The following ALK variants were observed in gnomAD, a reference collection of about 807,000 sequenced individuals.
ALK encodes the protein ALK tyrosine kinase receptor.
A neutral mutation model predicts 163.1 loss-of-function variants in ALK; 74 were observed. The ratio of observed to expected loss-of-function variants is 0.45; its 90% confidence interval spans 0.38 to 0.55. The LOEUF is 0.55. Among genes scored for constraint, ALK ranks in the 20% least tolerant of loss-of-function variants. The pLI is 0.00. For synonymous variants in ALK, 960 were observed against 843.2 expected, an observed-to-expected ratio of 1.14 and a Z score of -2.40; for missense variants, 2,063 against 2,105.3, an observed-to-expected ratio of 0.98 and a Z score of 0.39.
In ALK at chr2:29,251,229, G is replaced by A. The variant is rs772087086; in HGVS notation, c.2080C>T (p.His694Tyr). 1.9e-6 allele frequency: 3 copies of A among 1,613,880 alleles called. No individual in the cohort carries two copies. The highest frequency in any genetic ancestry group is 2.7e-5 in the African/African-American group (2 of 74,936). ...LFTTCGASGPHGPTQAQCNNA... is the reference protein window; with the variant it reads ...LFTTCGASGPYGPTQAQCNNA... ...TTGCACTGTGCCTGGGTGGGGCCAT[G>A]GGGCCCGCTGGCCCCACATGTGGTG... The change falls in exon 12 of 29, where the codon CAT (histidine) becomes TAT (tyrosine). Residue 694 changes from histidine (H) to tyrosine (Y), a missense_variant. Transcript: ENST00000389048.
intron 8 of ALK, among the ~76,000 whole-genome samples, chr2:29,312,083 G>C (rs957298281): frequency 3.3e-4 from 50 of 152,064 alleles, no homozygotes; most frequent in African/African-American, 1.2e-3. Flanking sequence ...AGTTGGGAGA[G>C]GGGTGTTGCC....
intron 1 of ALK, among the ~76,000 whole-genome samples, chr2:29,726,472 CA>C (rs976475603): frequency 1.3e-5 from 2 of 152,196 alleles, no homozygotes; most frequent in African/African-American, 4.8e-5. Context: ...AGTCCATCAA[CA>C]AAAGACCTTT....
chr2:29,573,093 T>C (rs1674425503), intron 3 of ALK, among the ~76,000 whole-genome samples: 1 of 152,194 alleles, frequency 6.6e-6, no homozygotes, highest in Non-Finnish European at 1.5e-5. Flanking sequence ...GCTTCTCTTT[T>C]CCTGATGAAC....
intron 4 of ALK, among the ~76,000 whole-genome samples, chr2:29,445,583 G>A (rs191872082): frequency 6.6e-6 from 1 of 151,990 alleles, no homozygotes; most frequent in African/African-American, 2.4e-5. Flanking sequence ...GAGGCCGAGG[G>A]GGGTGGATCA....
chr2:29,198,203 T>G (rs1669071902), intron 26 of ALK, among the ~76,000 whole-genome samples: 1 of 151,864 alleles, frequency 6.6e-6, no homozygotes, highest in African/African-American at 2.4e-5. Flanking sequence ...TCCAGCCAGC[T>G]GATTTCATAG....
intron 26 of ALK, among the ~76,000 whole-genome samples, chr2:29,204,697 C>T (rs1669269916): frequency 6.6e-6 from 1 of 152,208 alleles, no homozygotes; most frequent in South Asian, 2.1e-4. Flanking sequence ...TCAAGCATTT[C>T]TCCTGCCTCA....
At chr2:29,422,714 A>AT (rs1670045522) in intron 4 of ALK, among the ~76,000 whole-genome samples, 1 of 152,114 alleles carries the variant, frequency 6.6e-6, no homozygotes, top group Non-Finnish European at 1.5e-5. Context: ...GCCAGCTGCT[A>AT]TTTCTTCATG....
At chr2:29,736,435 A>C (rs990896815) in intron 1 of ALK, among the ~76,000 whole-genome samples, 1 of 152,026 alleles carries the variant, frequency 6.6e-6, no homozygotes. Context: ...GTTCATGCCA[A>C]ATTACCCTTA....
chr2:29,604,895 T>C (rs1031791794), intron 3 of ALK, among the ~76,000 whole-genome samples: 1 of 152,188 alleles, frequency 6.6e-6, no homozygotes, highest in South Asian at 2.1e-4. Flanking sequence ...TTAACTCTTG[T>C]CTCTTAAAAG....
At position 29,531,928 on chromosome 2, in the gene ALK, G is replaced by T. The variant is rs1451908328; in HGVS notation, c.1141C>A (p.Pro381Thr). 6.2e-7 allele frequency: 1 copy of T among 1,614,108 alleles called. No homozygotes were observed. The highest frequency in any genetic ancestry group is 1.1e-5 in the South Asian group (1 of 91,060). Residue 381 changes from proline (P) to threonine (T), a missense_variant, in exon 4 of 29, where the codon CCA becomes ACA. Pro to Thr is a conservative substitution (Grantham distance 38). Around this residue, in one of 5 missense-constraint regions of ALK, gnomAD observed 987 missense variants for 939.5 expected, o/e 1.05. Transcript: ENST00000389048. The part of the protein sequence containing the change: ...AAREILLMPT[P>T]GKHGWTVLQG... ...AGAAGTACTTACCCATGCTTCCCTG[G>T]AGTGGGCATCAGGAGGATCTCTCTT...
At chr2:29,435,727 G>A (rs993024527) in intron 4 of ALK, among the ~76,000 whole-genome samples, 1 of 152,034 alleles carries the variant, frequency 6.6e-6, no homozygotes, top group Non-Finnish European at 1.5e-5. Context: ...CTGAGGAACT[G>A]TGACAAGAGC....
intron 6 of ALK, among the ~76,000 whole-genome samples, chr2:29,324,832 G>A (rs79313110): frequency 1.0e-3 from 157 of 152,310 alleles, no homozygotes; most frequent in African/African-American, 3.7e-3. Context: ...AGAGGGGACC[G>A]AGAGTACTGT....
chr2:29,577,217 G>T (rs781504944), intron 3 of ALK, among the ~76,000 whole-genome samples: 16 of 152,052 alleles, frequency 1.1e-4, no homozygotes, highest in Non-Finnish European at 2.2e-4. Flanking sequence ...ATAAACTCTG[G>T]GGTGTTTGGG....
intron 1 of ALK, among the ~76,000 whole-genome samples, chr2:29,813,842 A>G (rs1012680849): frequency 6.6e-6 from 1 of 152,190 alleles, no homozygotes; most frequent in African/African-American, 2.4e-5. Flanking sequence ...CCTGGGAAAG[A>G]TCCTTCTATC....
chr2:29,365,201 T>G (rs1321289693), intron 5 of ALK, among the ~76,000 whole-genome samples: 1 of 152,220 alleles, frequency 6.6e-6, no homozygotes, highest in Non-Finnish European at 1.5e-5. Context: ...GCCCAAAACA[T>G]AGACTTTTAC....
chr2:29,563,400 T>A lies in ALK; in HGVS notation c.953-31284A>T, dbSNP rs1674082010. Among the ~76,000 whole-genome samples the A allele has an allele frequency of 2.0e-5, 3 of 152,316 alleles. 1 individual carries two copies. Among genetic ancestry groups the A allele is most frequent in the Middle Eastern group, 6.8e-3 (2 of 294 alleles). ...CCAGAAAAACTCAGGAATATCTTCC[T>A]GCCTGATTTTGAGAATATTAATAAA... On this transcript the variant is annotated intron_variant, in intron 3 of 28. Transcript: ENST00000389048.
At chr2:29,753,289 G>T (rs1279762190) in intron 1 of ALK, among the ~76,000 whole-genome samples, 1 of 152,206 alleles carries the variant, frequency 6.6e-6, no homozygotes, top group Non-Finnish European at 1.5e-5. Context: ...TTTGATCTGT[G>T]CAAGGAACCA....
chr2:29,424,140 G>T (rs1421079126), intron 4 of ALK, among the ~76,000 whole-genome samples: 1 of 152,158 alleles, frequency 6.6e-6, no homozygotes, highest in East Asian at 1.9e-4. Context: ...GAACTTAAAA[G>T]ATAAAGCTCA....
chr2:29,415,579 T>A (rs1394891043), intron 4 of ALK, among the ~76,000 whole-genome samples: 2 of 152,142 alleles, frequency 1.3e-5, no homozygotes, highest in Non-Finnish European at 2.9e-5. Flanking sequence ...GGCTCCCCAA[T>A]CAGAACTACC....
Sources: gnomAD v4.1 joint callset for allele counts (sites outside exome capture counted in the v4.1 genomes callset) on GRCh38, gnomAD v4.1.1 for gene constraint, gnomAD v4.1.1 regional missense constraint, MANE v1.5 for transcripts, NCBI Gene and HGNC (gene_info 2026-07-23, HGNC 2026-07-21) for gene names.